Variants in NRXN3 observed in about 807,000 individuals in gnomAD.
The protein encoded by NRXN3 is neurexin III.
Under a neutral mutation model 137.6 loss-of-function variants are expected in NRXN3, and 32 were observed. The ratio of observed to expected loss-of-function variants is 0.23; its 90% CI spans 0.18 to 0.31. The LOEUF (loss-of-function observed/expected upper bound fraction) is 0.31. Ranked by LOEUF, NRXN3 falls within the 10% of genes least tolerant of loss-of-function variation. The pLI is 1.00. For missense variants in NRXN3, 1,574 were observed against 2,062.5 expected (o/e 0.76, Z 4.59); for synonymous variants, 798 against 784.5 (o/e 1.02, Z -0.29).
intron 10 of NRXN3, among the ~76,000 whole-genome samples, chr14:78,909,656 A>G (rs956750911): frequency 6.6e-6 from 1 of 152,058 alleles, no homozygotes; most frequent in African/African-American, 2.4e-5. Flanking sequence ...ATTTTTTTCA[A>G]TTAATAATGT....
At chr14:78,869,189 T>G (rs539914632) in intron 10 of NRXN3, among the ~76,000 whole-genome samples, 1 of 152,312 alleles carries the variant, frequency 6.6e-6, no homozygotes, top group South Asian at 2.1e-4. Flanking sequence ...TCTTGGCATT[T>G]TCTTCCCGTA....
chr14:79,534,831 C>T (rs1381551404), intron 16 of NRXN3, among the ~76,000 whole-genome samples: 3 of 152,114 alleles, frequency 2.0e-5, no homozygotes, highest in Non-Finnish European at 2.9e-5. Flanking sequence ...AGGAAATGTC[C>T]TGGAACACCA....
Position 79,051,127 on chromosome 14 carries a change from A to G in NRXN3, c.3262+62986A>G, listed in dbSNP as rs141061636. Among the ~76,000 whole-genome samples the G allele has an allele frequency of 6.9e-3, 1,057 of 152,296 alleles. 12 individuals are homozygous for G. Among genetic ancestry groups the G allele is most frequent in the African/African-American group, 0.024 (1,003 of 41,546 alleles). On this transcript the variant is annotated intron_variant, in intron 15 of 20. Transcript: ENST00000335750. ...GTTTGCTAGTGATAGAGCCAGAATCAGAATGTTGAAGGTTGGTTCTAGCAG... is the reference window on the plus strand; with the variant it reads ...GTTTGCTAGTGATAGAGCCAGAATCGGAATGTTGAAGGTTGGTTCTAGCAG...
chr14:78,576,802 G>T (rs1405598943), intron 4 of NRXN3, among the ~76,000 whole-genome samples: 2 of 152,154 alleles, frequency 1.3e-5, no homozygotes, highest in African/African-American at 4.8e-5. Context: ...GGCAAAATTT[G>T]CGACTTCCTA....
At chr14:78,601,215 CAAT>C (rs1333611200) in intron 4 of NRXN3, among the ~76,000 whole-genome samples, 3 of 152,028 alleles carry the variant, frequency 2.0e-5, no homozygotes, top group African/African-American at 7.3e-5. Flanking sequence ...CTGACTGTAG[CAAT>C]AATAATAATA....
intron 19 of NRXN3, among the ~76,000 whole-genome samples, chr14:79,754,581 C>T (rs2099012677): frequency 7.4e-6 from 1 of 135,566 alleles, no homozygotes; most frequent in African/African-American, 3.0e-5. Context: ...TACACACACA[C>T]ACACACACAT....
chr14:79,596,552 A>T (rs1475958074), intron 16 of NRXN3, among the ~76,000 whole-genome samples: 3 of 151,554 alleles, frequency 2.0e-5, no homozygotes, highest in African/African-American at 7.3e-5. Flanking sequence ...TAAACCTGAG[A>T]GGGGCTTCTG....
At chr14:79,474,283 A>T (rs548357804) in intron 16 of NRXN3, among the ~76,000 whole-genome samples, 7 of 152,184 alleles carry the variant, frequency 4.6e-5, no homozygotes, top group Non-Finnish European at 7.4e-5. Context: ...GAAGCTGTTC[A>T]TTATCAGCAA....
chr14:79,425,217 C>A (rs1416178595), intron 15 of NRXN3, among the ~76,000 whole-genome samples: 2 of 152,134 alleles, frequency 1.3e-5, no homozygotes, highest in Admixed American at 1.3e-4. Context: ...ATATCGGAAC[C>A]AATGATAGTA....
intron 4 of NRXN3, among the ~76,000 whole-genome samples, chr14:78,319,763 T>G (rs938112682): frequency 3.9e-5 from 6 of 152,342 alleles, no homozygotes; most frequent in South Asian, 2.1e-4. Flanking sequence ...ATGTTGGTCT[T>G]GCCATCCCTG....
At chr14:78,505,969 C>T (rs1003711733) in intron 4 of NRXN3, among the ~76,000 whole-genome samples, 1 of 152,116 alleles carries the variant, frequency 6.6e-6, no homozygotes, top group African/African-American at 2.4e-5. Flanking sequence ...GTCCTGTGCT[C>T]CTTTCTTTTT....
intron 16 of NRXN3, among the ~76,000 whole-genome samples, chr14:79,604,380 G>A (rs1435454048): frequency 2.0e-5 from 3 of 151,226 alleles, no homozygotes; most frequent in South Asian, 2.1e-4. Flanking sequence ...GGCTACAGGC[G>A]CCTGCCACCA....
chr14:79,078,355 T>A (rs1406241482), intron 15 of NRXN3, among the ~76,000 whole-genome samples: 1 of 152,168 alleles, frequency 6.6e-6, no homozygotes, highest in African/African-American at 2.4e-5. Context: ...AGATACCATG[T>A]TTTCTACTGT....
At chr14:79,043,655 G>A (rs893018684) in intron 15 of NRXN3, among the ~76,000 whole-genome samples, 1 of 152,136 alleles carries the variant, frequency 6.6e-6, no homozygotes, top group African/African-American at 2.4e-5. Flanking sequence ...ACAGGTCTTG[G>A]GTAGGCTGCC....
intron 16 of NRXN3, among the ~76,000 whole-genome samples, chr14:79,513,676 G>C (rs1418820780): frequency 1.3e-5 from 2 of 152,158 alleles, no homozygotes; most frequent in Non-Finnish European, 2.9e-5. Context: ...ATAATTACAA[G>C]TTCTTGTTCA....
intron 15 of NRXN3, among the ~76,000 whole-genome samples, chr14:79,145,373 CG>C (rs2059203966): frequency 6.6e-6 from 1 of 152,054 alleles, no homozygotes; most frequent in African/African-American, 2.4e-5. Flanking sequence ...TACCAGAGAC[CG>C]AAAGTCATAT....
intron 20 of NRXN3, among the ~76,000 whole-genome samples, chr14:79,845,881 A>AGACG (rs1449476939): frequency 3.8e-4 from 54 of 140,460 alleles, no homozygotes; most frequent in Middle Eastern, 3.6e-3. Context: ...ATGGAGAGAG[A>AGACG]GAGAGATGGA....
intron 15 of NRXN3, among the ~76,000 whole-genome samples, chr14:79,331,261 C>T (rs1407984144): frequency 2.0e-5 from 3 of 152,058 alleles, no homozygotes; most frequent in African/African-American, 7.2e-5. Flanking sequence ...ATTGAAAAGA[C>T]ACTGAACTTT....
intron 20 of NRXN3, among the ~76,000 whole-genome samples, chr14:79,825,053 T>C (rs1393484870): frequency 3.3e-5 from 5 of 151,922 alleles, no homozygotes; most frequent in Non-Finnish European, 7.4e-5. Context: ...AAAATCTGAT[T>C]TTATTTTGTA....
Sources: allele counts gnomAD v4.1 joint callset (sites outside exome capture counted in the v4.1 genomes callset), GRCh38; gene constraint gnomAD v4.1.1; transcripts MANE v1.5; gene names NCBI Gene and HGNC (gene_info 2026-07-23, HGNC 2026-07-21).